Variants in DACH2 observed in about 807,000 individuals in gnomAD.
DACH2 encodes the protein dachshund homolog 2.
A neutral mutation model predicts 35.8 loss-of-function variants in DACH2; 17 were observed. The ratio of observed to expected loss-of-function variants is 0.48; its 90% CI spans 0.33 to 0.71. The LOEUF is 0.71. Ranked by LOEUF, DACH2 falls within the 30% of genes least tolerant of loss-of-function variation. The pLI is 0.02. For synonymous variants in DACH2, 195 were observed against 177.3 expected (o/e 1.10, Z -0.79); for missense variants, 469 against 472.7 (o/e 0.99, Z 0.07).
At chrX:86,237,605 G>T (rs1264757071) in intron 1 of DACH2, among the ~76,000 whole-genome samples, 2 of 111,537 alleles carry the variant, frequency 1.8e-5, no homozygotes, top group Non-Finnish European at 3.8e-5. Context: ...CACCCATTTG[G>T]CCTGGCAGGC....
At chrX:86,282,538 T>C (rs1333456196) in intron 1 of DACH2, among the ~76,000 whole-genome samples, 2 of 111,160 alleles carry the variant, frequency 1.8e-5, no homozygotes, top group Non-Finnish European at 3.8e-5. Context: ...ATAAAAACTC[T>C]AGAAGGAAAC....
chrX:86,617,096 C>T (rs2040014287), intron 3 of DACH2, among the ~76,000 whole-genome samples: 2 of 111,415 alleles, frequency 1.8e-5, no homozygotes, highest in Non-Finnish European at 1.9e-5. Flanking sequence ...TTTCTGGGCT[C>T]TTTATTCTAT....
chrX:86,720,926 C>A (rs1395008816), intron 6 of DACH2, among the ~76,000 whole-genome samples: 1 of 112,666 alleles, frequency 8.9e-6, no homozygotes. Flanking sequence ...CTTCTGCACA[C>A]CTGCAGGCCT....
rs746321715 is a variant in DACH2, at chrX:86,282,774, C to CTTTTTTTTTTTTTTT, written c.489-94043_489-94029dup. 5.3e-5 allele frequency among the ~76,000 whole-genome samples: 2 copies of CTTTTTTTTTTTTTTT among 37,753 alleles called. 1 individual carries two copies. Among genetic ancestry groups the CTTTTTTTTTTTTTTT allele is most frequent in the African/African-American group, 6.1e-4 (2 of 3,273 alleles). 32.8% of individuals were successfully genotyped at this position (37,753 alleles called of 115,157 possible). A position where few individuals can be genotyped will look rare whatever the true frequency, so the allele number is the denominator to read the frequency against. On this transcript the variant is annotated intron_variant, in intron 1 of 11. Coordinates refer to ENST00000373125, the MANE Select transcript of DACH2 (RefSeq NM_053281.3). ...GGGCAAATGCTATGAACAGACACTT[C>CTTTTTTTTTTTTTTT]TTTTTTTTTTTTTTTTTTTTTGAGA...
chrX:86,794,928 AAT>A (rs1196408477), intron 7 of DACH2, among the ~76,000 whole-genome samples: 1 of 111,845 alleles, frequency 8.9e-6, no homozygotes, highest in African/African-American at 3.2e-5. Flanking sequence ...GGTGGTTGAG[AAT>A]CATAGGCTGA....
chrX:86,498,585 G>T (rs1231617106), intron 2 of DACH2, among the ~76,000 whole-genome samples: 2 of 112,302 alleles, frequency 1.8e-5, no homozygotes, highest in African/African-American at 3.2e-5. Context: ...TCATTCCTCA[G>T]AATTGTTCTT....
intron 1 of DACH2, among the ~76,000 whole-genome samples, chrX:86,180,784 T>G (rs2665793): frequency 0.068 from 7,641 of 111,813 alleles, 630 homozygotes; most frequent in African/African-American, 0.24. Context: ...CTTAATCTAT[T>G]TATTTTGATA....
At chrX:86,345,417 GA>G (rs753921409) in intron 1 of DACH2, 59 of 293,018 alleles carry the variant, frequency 2.0e-4, no homozygotes, top group Admixed American at 3.2e-4. Flanking sequence ...TTCCTTGCAG[GA>G]AAAAAAATAG....
chrX:86,245,431 A>T (rs979259558), intron 1 of DACH2, among the ~76,000 whole-genome samples: 26 of 111,837 alleles, frequency 2.3e-4, no homozygotes, highest in African/African-American at 8.5e-4. Flanking sequence ...TCCCCATCAA[A>T]ATGTTGTTGC....
chrX:86,285,641 G>A (rs896487349), intron 1 of DACH2, among the ~76,000 whole-genome samples: 4 of 111,705 alleles, frequency 3.6e-5, no homozygotes, highest in Non-Finnish European at 7.5e-5. Flanking sequence ...TTCTGCAGCA[G>A]TAGGATGAAA....
At chrX:86,669,021 C>G (rs2040732946) in intron 4 of DACH2, among the ~76,000 whole-genome samples, 1 of 111,306 alleles carries the variant, frequency 9.0e-6, no homozygotes, top group South Asian at 3.7e-4. Flanking sequence ...AATGAGTTGA[C>G]AGGCTAAATG....
intron 3 of DACH2, among the ~76,000 whole-genome samples, chrX:86,608,428 G>GCC (rs2039888396): frequency 8.9e-6 from 1 of 111,828 alleles, no homozygotes; most frequent in Non-Finnish European, 1.9e-5. Context: ...TATTGTTTTT[G>GCC]ATTGGTTCAT....
chrX:86,412,955 T>C (rs952361220), intron 2 of DACH2, among the ~76,000 whole-genome samples: 1 of 111,397 alleles, frequency 9.0e-6, no homozygotes, highest in African/African-American at 3.3e-5. Flanking sequence ...ATGTGTTGTC[T>C]CCAAATTTTA....
intron 7 of DACH2, among the ~76,000 whole-genome samples, chrX:86,803,671 T>C (rs1436180381): frequency 9.0e-6 from 1 of 110,543 alleles, no homozygotes; most frequent in Non-Finnish European, 1.9e-5. Flanking sequence ...TGGTGGCTAT[T>C]CTAGATACTG....
intron 4 of DACH2, among the ~76,000 whole-genome samples, chrX:86,674,221 C>T (rs891864984): frequency 8.9e-6 from 1 of 112,182 alleles, no homozygotes; most frequent in African/African-American, 3.2e-5. Context: ...ACTCAGAGGA[C>T]ATTGTTCATT....
intron 2 of DACH2, among the ~76,000 whole-genome samples, chrX:86,405,949 A>G (rs975930842): frequency 1.8e-5 from 2 of 110,031 alleles, no homozygotes; most frequent in Non-Finnish European, 3.8e-5. Context: ...TGGGTGGGGA[A>G]CCCCCTTATG....
At chrX:86,309,473 C>A (rs2034755163) in intron 1 of DACH2, among the ~76,000 whole-genome samples, 2 of 100,334 alleles carry the variant, frequency 2.0e-5, no homozygotes, top group Non-Finnish European at 3.9e-5. Context: ...TCTCTACTCT[C>A]CGTCTTTGTC....
intron 2 of DACH2, among the ~76,000 whole-genome samples, chrX:86,438,909 G>A (rs2037113516): frequency 8.9e-6 from 1 of 111,941 alleles, no homozygotes; most frequent in Admixed American, 9.5e-5. Flanking sequence ...TGTGTGAGAT[G>A]GTGTCTCATT....
intron 3 of DACH2, among the ~76,000 whole-genome samples, chrX:86,549,947 C>G (rs1348763649): frequency 9.0e-6 from 1 of 111,494 alleles, no homozygotes; most frequent in Non-Finnish European, 1.9e-5. Context: ...AAATAGTCCT[C>G]AATCAACAGT....
Sources: allele counts gnomAD v4.1 joint callset (sites outside exome capture counted in the v4.1 genomes callset), GRCh38; gene constraint gnomAD v4.1.1; transcripts MANE v1.5; gene names NCBI Gene and HGNC (gene_info 2026-07-23, HGNC 2026-07-21).